VAPA: variants seen among roughly 807,000 people sequenced by gnomAD.
VAPA encodes the protein VAMP associated protein A, also known as vesicle-associated membrane protein-associated protein A.
VAPA carries 6 observed loss-of-function variants against 25.6 expected under a neutral mutation model. The observed-to-expected ratio is 0.23, with a 90% CI of 0.13 to 0.46. The LOEUF (loss-of-function observed/expected upper bound fraction) is 0.46. Ranked by LOEUF, VAPA falls within the 20% of genes least tolerant of loss-of-function variation. The probability of loss-of-function intolerance (pLI) is 0.99; values close to 1 mark genes in which losing one functional copy is unlikely to be tolerated. For synonymous variants in VAPA, 112 were observed against 106.2 expected (o/e 1.05, Z -0.34); for missense variants, 244 against 302.1 (o/e 0.81, Z 1.43).
Position 9,943,787 on chromosome 18 carries a change from T to C in VAPA, c.418-6608T>C, listed in dbSNP as rs563870489. Reference sequence around the variant, plus strand: ...TCTGACATTTTCTAAATTTCTTAAATGTATTGCATTTCATTTATGTCCTCC... The same window carrying C: ...TCTGACATTTTCTAAATTTCTTAAACGTATTGCATTTCATTTATGTCCTCC... On this transcript the variant is annotated intron_variant, in intron 4 of 5. Transcript: ENST00000400000. Among the ~76,000 whole-genome samples the C allele has an allele frequency of 2.0e-5, 3 of 150,986 alleles. No homozygotes were observed. In the East Asian group the frequency reaches 5.8e-4, roughly 29 times the overall value.
intron 1 of VAPA, among the ~76,000 whole-genome samples, chr18:9,922,301 G>C (rs2069163726): frequency 6.6e-6 from 1 of 152,072 alleles, no homozygotes; most frequent in South Asian, 2.1e-4. Context: ...AATCCTGAAT[G>C]ATAGCATAAC....
At chr18:9,922,039 G>C (rs963090498) in intron 1 of VAPA, among the ~76,000 whole-genome samples, 2 of 152,094 alleles carry the variant, frequency 1.3e-5, no homozygotes, top group Admixed American at 1.3e-4. Flanking sequence ...GTGCAGTGGT[G>C]CTGTTATAGC....
intron 1 of VAPA, among the ~76,000 whole-genome samples, chr18:9,918,346 A>G (rs1270299918): frequency 1.3e-5 from 2 of 152,162 alleles, no homozygotes; most frequent in Non-Finnish European, 2.9e-5. Flanking sequence ...TTTCCTTTGC[A>G]TTCAGACTTT....
In VAPA at chr18:9,954,490, T is replaced by G. The variant is rs1470314099; in HGVS notation, c.*279T>G. 6.8e-6 allele frequency: 2 copies of G among 292,758 alleles called. No homozygotes were observed. Among genetic ancestry groups the G allele is most frequent in the African/African-American group, 2.2e-5 (1 of 45,750 alleles). 18.1% of individuals were successfully genotyped at this position (292,758 alleles called of 1,614,324 possible). A position where few individuals can be genotyped will look rare whatever the true frequency, so the allele number is the denominator to read the frequency against. ...AAATTCATAAATAAAGAATTGTTCT[T>G]TCTTTGTGGTTTTAATAAGAGTTCA... On this transcript the variant is annotated 3_prime_UTR_variant, in exon 6 of 6. Coordinates refer to ENST00000400000, the MANE Select transcript of VAPA (RefSeq NM_194434.3).
At chr18:9,927,205 G>A (rs1334855234) in intron 1 of VAPA, among the ~76,000 whole-genome samples, 1 of 152,098 alleles carries the variant, frequency 6.6e-6, no homozygotes, top group Non-Finnish European at 1.5e-5. Context: ...TCTGGACAGG[G>A]CAGATAGATA....
Position 9,914,236 on chromosome 18 carries a change from C to T in VAPA, c.-21C>T, listed in dbSNP as rs1196257654. On this transcript the variant is annotated 5_prime_UTR_variant, in exon 1 of 6. Transcript: ENST00000400000. ...GCAAACCGCCGCCGCGGGCGCGCCCCCGCTCTGCGCTGTCTCTCCGATGGC... is the reference window on the plus strand; with the variant it reads ...GCAAACCGCCGCCGCGGGCGCGCCCTCGCTCTGCGCTGTCTCTCCGATGGC... 6.4e-7 allele frequency: 1 copy of T among 1,571,096 alleles called. No individual in the cohort carries two copies. The highest frequency in any genetic ancestry group is 8.6e-7 in the Non-Finnish European group (1 of 1,161,172).
chr18:9,947,306 T>C lies in VAPA; in HGVS notation c.418-3089T>C, dbSNP rs568501800. Among the ~76,000 whole-genome samples the C allele has an allele frequency of 3.3e-5, 5 of 152,378 alleles. No individual in the cohort carries two copies. In the South Asian group the frequency reaches 8.3e-4, roughly 25 times the overall value. On this transcript the variant is annotated intron_variant, in intron 4 of 5. Transcript: ENST00000400000. ...ATAAATCATATGTGCAATACTTTTA[T>C]ATGACTGGAGTACAGTATGTATATT...
chr18:9,943,720 A>G (rs2069388761), intron 4 of VAPA, among the ~76,000 whole-genome samples: 2 of 151,536 alleles, frequency 1.3e-5, no homozygotes, highest in Admixed American at 1.3e-4. Flanking sequence ...TGACCTATTC[A>G]GTTCTTTGTG....
intron 5 of VAPA, among the ~76,000 whole-genome samples, chr18:9,951,512 C>T (rs1430867692): frequency 1.3e-5 from 2 of 152,226 alleles, no homozygotes; most frequent in Non-Finnish European, 2.9e-5. Context: ...ATTCACCATA[C>T]ATGCATGTGG....
At chr18:9,924,177 T>C (rs917234277) in intron 1 of VAPA, among the ~76,000 whole-genome samples, 1 of 152,088 alleles carries the variant, frequency 6.6e-6, no homozygotes, top group Non-Finnish European at 1.5e-5. Context: ...AAACTTTAGA[T>C]CTAAATAATA....
chr18:9,914,100 C>T lies in VAPA; in HGVS notation c.-157C>T. ...CCGGAGCTGCTGACCCAGCGGGTGG[C>T]CCACCGAACCGGTGACACAGCGGCA... On this transcript the variant is annotated 5_prime_UTR_variant, in exon 1 of 6. Coordinates refer to ENST00000400000, the MANE Select transcript of VAPA (RefSeq NM_194434.3). The T allele has an allele frequency of 5.3e-6, 3 of 569,030 alleles. No homozygotes were observed. The highest frequency in any genetic ancestry group is 2.3e-5 in the South Asian group (1 of 44,366). The allele number at this position is 569,030 out of a possible 1,614,324, so 35.2% of individuals were successfully genotyped here.
intron 5 of VAPA, among the ~76,000 whole-genome samples, chr18:9,953,235 A>G (rs932010063): frequency 6.6e-6 from 1 of 152,090 alleles, no homozygotes; most frequent in Non-Finnish European, 1.5e-5. Context: ...GAAGCAGCCT[A>G]CTCTTGACTG....
chr18:9,928,316 G>A (rs536260138), intron 1 of VAPA, among the ~76,000 whole-genome samples: 5 of 151,858 alleles, frequency 3.3e-5, no homozygotes, highest in South Asian at 2.1e-4. Flanking sequence ...ATTGTTTTTC[G>A]TAAATAAAAG....
At chr18:9,937,159 T>A in intron 4 of VAPA, 93 bp downstream of exon 4, 1 of 962,202 alleles carries the variant, frequency 1.0e-6, no homozygotes, top group Non-Finnish European at 1.6e-6. Flanking sequence ...GAGGTATGTG[T>A]GATATGGCTA....
chr18:9,950,176 G>C (rs2069473485), intron 4 of VAPA: 1 of 466,860 alleles, frequency 2.1e-6, no homozygotes, highest in Admixed American at 4.1e-5. Flanking sequence ...TAATTATTAA[G>C]ATACATAATA....
chr18:9,914,782 T>G (rs1247649880), intron 1 of VAPA: 1 of 152,342 alleles, frequency 6.6e-6, no homozygotes, highest in South Asian at 2.1e-4. Flanking sequence ...GAGTGGGCTC[T>G]GGAGGTGGCG....
intron 5 of VAPA, among the ~76,000 whole-genome samples, chr18:9,952,206 A>G (rs974447007): frequency 3.9e-5 from 6 of 151,902 alleles, no homozygotes; most frequent in African/African-American, 1.2e-4. Context: ...CCTGGTTTCT[A>G]CTCTTTTTAT....
intron 5 of VAPA, among the ~76,000 whole-genome samples, chr18:9,952,623 T>C (rs1832389130): frequency 6.6e-6 from 1 of 151,558 alleles, no homozygotes. Context: ...TTTCAGACCC[T>C]ATACACAGGC....
intron 1 of VAPA, among the ~76,000 whole-genome samples, chr18:9,924,552 A>G (rs907755841): frequency 6.6e-6 from 1 of 152,218 alleles, no homozygotes; most frequent in Non-Finnish European, 1.5e-5. Context: ...TGTTTAGGTC[A>G]GACTGAGCAG....
Sources: gnomAD v4.1 joint callset for allele counts (sites outside exome capture counted in the v4.1 genomes callset) on GRCh38, gnomAD v4.1.1 for gene constraint, MANE v1.5 for transcripts, NCBI Gene and HGNC (gene_info 2026-07-23, HGNC 2026-07-21) for gene names.